Variants in NAALADL2 observed in about 807,000 individuals in gnomAD.
The protein encoded by NAALADL2 is inactive N-acetylated-alpha-linked acidic dipeptidase-like protein 2.
NAALADL2 carries 76 observed loss-of-function variants against 87.2 expected under a neutral mutation model. The ratio of observed to expected loss-of-function variants is 0.87; its 90% confidence interval spans 0.72 to 1.05. The LOEUF (loss-of-function observed/expected upper bound fraction) is 1.05, where lower values mean the gene tolerates loss of function less well. Among genes scored for constraint, NAALADL2 ranks in the 50% least tolerant of loss-of-function variants. The pLI, the probability that NAALADL2 is intolerant of heterozygous loss-of-function variation, is 0.00. For synonymous variants in NAALADL2, 354 were observed against 331.0 expected, an observed-to-expected ratio of 1.07 and a Z score of -0.75; for missense variants, 1,089 against 945.8, an observed-to-expected ratio of 1.15 and a Z score of -1.99.
At chr3:174,924,836 G>A (rs1735755675) in intron 1 of NAALADL2, among the ~76,000 whole-genome samples, 1 of 152,130 alleles carries the variant, frequency 6.6e-6, no homozygotes, top group Admixed American at 6.6e-5. Flanking sequence ...TTTTTCAAGA[G>A]TCTGTTGGTC....
intron 5 of NAALADL2, among the ~76,000 whole-genome samples, chr3:175,364,722 C>T (rs1765376458): frequency 6.8e-6 from 1 of 146,632 alleles, no homozygotes; most frequent in Non-Finnish European, 1.5e-5. Flanking sequence ...TTTTTTGAGT[C>T]AAGTATAAAA....
intron 2 of NAALADL2, among the ~76,000 whole-genome samples, chr3:174,695,410 A>G (rs1374547170): frequency 6.6e-6 from 1 of 151,994 alleles, no homozygotes; most frequent in African/African-American, 2.4e-5. Flanking sequence ...AACCATAGAC[A>G]TAAGATCATT....
chr3:175,746,337 T>C (rs1197475924), intron 12 of NAALADL2, among the ~76,000 whole-genome samples: 1 of 149,450 alleles, frequency 6.7e-6, no homozygotes, highest in Non-Finnish European at 1.5e-5. Flanking sequence ...TTTTAATCAA[T>C]TGCAAATGAT....
chr3:174,625,923 T>C (rs1335558206), intron 2 of NAALADL2, among the ~76,000 whole-genome samples: 2 of 152,066 alleles, frequency 1.3e-5, no homozygotes, highest in Non-Finnish European at 2.9e-5. Context: ...TATCTTTAAG[T>C]TGTGGAATAC....
At chr3:175,181,777 A>ATGTGTATATG in intron 2 of NAALADL2, among the ~76,000 whole-genome samples, 1 of 67,022 alleles carries the variant, frequency 1.5e-5, no homozygotes, top group African/African-American at 4.4e-5. Flanking sequence ...GTGTGTATAT[A>ATGTGTATATG]TGTATATATA....
chr3:175,021,989 G>C (rs539643734), intron 1 of NAALADL2, among the ~76,000 whole-genome samples: 1 of 152,092 alleles, frequency 6.6e-6, no homozygotes, highest in East Asian at 1.9e-4. Context: ...CTTCCTCATG[G>C]TAACGAGTGA....
chr3:174,755,393 G>A (rs958627283), intron 3 of NAALADL2, among the ~76,000 whole-genome samples: 1 of 152,150 alleles, frequency 6.6e-6, no homozygotes, highest in African/African-American at 2.4e-5. Context: ...GATTTTATAA[G>A]TATGTGGCTA....
At chr3:175,292,758 C>T (rs1024143493) in intron 4 of NAALADL2, among the ~76,000 whole-genome samples, 5 of 151,926 alleles carry the variant, frequency 3.3e-5, no homozygotes, top group Admixed American at 6.6e-5. Context: ...AGAAAACGTC[C>T]GGGCGCGGGT....
intron 2 of NAALADL2, among the ~76,000 whole-genome samples, chr3:175,194,215 A>G (rs1186898492): frequency 6.6e-6 from 1 of 151,894 alleles, no homozygotes; most frequent in Non-Finnish European, 1.5e-5. Flanking sequence ...GATTTTTTAC[A>G]TTGGAACCAA....
chr3:174,786,415 C>T (rs543016677), intron 3 of NAALADL2, among the ~76,000 whole-genome samples: 6 of 146,136 alleles, frequency 4.1e-5, no homozygotes, highest in Admixed American at 1.4e-4. Flanking sequence ...CACACCACTG[C>T]ACTCCAGCCT....
intron 2 of NAALADL2, among the ~76,000 whole-genome samples, chr3:175,200,364 C>T (rs1477639216): frequency 2.6e-5 from 4 of 152,146 alleles, no homozygotes; most frequent in African/African-American, 9.6e-5. Flanking sequence ...TTCTCTCTCT[C>T]TCTTTTTTTC....
At chr3:174,868,154 G>C (rs1314490892) in intron 1 of NAALADL2, among the ~76,000 whole-genome samples, 2 of 152,020 alleles carry the variant, frequency 1.3e-5, no homozygotes, top group African/African-American at 4.8e-5. Flanking sequence ...GGGGTAAATA[G>C]GTTATTTTGG....
intron 1 of NAALADL2, among the ~76,000 whole-genome samples, chr3:174,984,379 C>T (rs936226989): frequency 6.6e-6 from 1 of 152,048 alleles, no homozygotes; most frequent in Non-Finnish European, 1.5e-5. Flanking sequence ...GGTTGCTAGT[C>T]TACCACATTT....
At chr3:175,049,239 G>A (rs1308953651) in intron 1 of NAALADL2, among the ~76,000 whole-genome samples, 1 of 152,142 alleles carries the variant, frequency 6.6e-6, no homozygotes, top group Non-Finnish European at 1.5e-5. Context: ...AGCTTATACA[G>A]CATGGATATG....
chr3:174,517,998 A>G (rs926268496), intron 1 of NAALADL2, among the ~76,000 whole-genome samples: 1 of 152,152 alleles, frequency 6.6e-6, no homozygotes, highest in Non-Finnish European at 1.5e-5. Context: ...AGAGGTGATC[A>G]ATGGTAATTA....
chr3:175,595,189 G>A (rs1030190604), intron 10 of NAALADL2, among the ~76,000 whole-genome samples: 4 of 152,036 alleles, frequency 2.6e-5, no homozygotes, highest in African/African-American at 9.7e-5. Flanking sequence ...TTAAAAGTAG[G>A]GGTCCAGTTT....
intron 1 of NAALADL2, among the ~76,000 whole-genome samples, chr3:174,522,954 A>G (rs1354065590): frequency 1.3e-4 from 19 of 148,948 alleles, no homozygotes; most frequent in African/African-American, 2.8e-4. Context: ...AAAAAAAAAA[A>G]AAAGAAAAAA....
intron 10 of NAALADL2, among the ~76,000 whole-genome samples, chr3:175,620,645 C>G (rs1372333835): frequency 6.6e-6 from 1 of 152,168 alleles, no homozygotes; most frequent in East Asian, 1.9e-4. Context: ...TGTGTTACAG[C>G]TCTCTTGTTC....
At chr3:174,774,631 A>T (rs971245591) in intron 3 of NAALADL2, among the ~76,000 whole-genome samples, 1 of 152,082 alleles carries the variant, frequency 6.6e-6, no homozygotes. Context: ...TAGCAGACCC[A>T]TGGGGAGTTT....
Sources: allele counts gnomAD v4.1 joint callset (sites outside exome capture counted in the v4.1 genomes callset), GRCh38; gene constraint gnomAD v4.1.1; transcripts MANE v1.5; gene names NCBI Gene and HGNC (gene_info 2026-07-23, HGNC 2026-07-21).